The following SYCP1 variants were observed in gnomAD, a reference collection of about 807,000 sequenced individuals.
SYCP1 encodes synaptonemal complex protein 1.
SYCP1 carries 64 observed loss-of-function variants against 153.1 expected under a neutral mutation model. The observed-to-expected ratio is 0.42, with a 90% CI of 0.34 to 0.51. The LOEUF (loss-of-function observed/expected upper bound fraction) is 0.51. SYCP1 is among the 20% of genes least tolerant of loss of function. The probability of loss-of-function intolerance (pLI) is 0.06; values close to 1 mark genes in which losing one functional copy is unlikely to be tolerated. For synonymous variants in SYCP1, 384 were observed against 341.8 expected (o/e 1.12, Z -1.36); for missense variants, 997 against 1,049.0 (o/e 0.95, Z 0.68).
At chr1:114,919,284 A>C (rs1456517046) in intron 20 of SYCP1, among the ~76,000 whole-genome samples, 1 of 152,000 alleles carries the variant, frequency 6.6e-6, no homozygotes, top group Non-Finnish European at 1.5e-5. Flanking sequence ...GTCCTATAGC[A>C]TGTTGATATA....
chr1:114,983,594 G>T (rs907407867), intron 29 of SYCP1, among the ~76,000 whole-genome samples: 1 of 151,990 alleles, frequency 6.6e-6, no homozygotes, highest in African/African-American at 2.4e-5. Flanking sequence ...TCTGGTGGTT[G>T]CCAGGCTGCC....
At chr1:114,874,184 T>C (rs549350949) in intron 8 of SYCP1, among the ~76,000 whole-genome samples, 2 of 152,356 alleles carry the variant, frequency 1.3e-5, no homozygotes, top group South Asian at 4.1e-4. Flanking sequence ...TGTGTTTGCC[T>C]GTCTCTCCAA....
intron 27 of SYCP1, among the ~76,000 whole-genome samples, chr1:114,953,538 G>T (rs1198828142): frequency 6.6e-6 from 1 of 152,144 alleles, no homozygotes; most frequent in Admixed American, 6.5e-5. Context: ...AGATTGCTCT[G>T]TCACCAGCTG....
rs566171510 is a variant in SYCP1, at chr1:114,888,932, C to A, written c.1258+1239C>A. Among the ~76,000 whole-genome samples the A allele has an allele frequency of 1.7e-4, 26 of 151,720 alleles. No individual in the cohort carries two copies. In the South Asian group the frequency reaches 5.4e-3, roughly 32 times the overall value. On this transcript the variant is annotated intron_variant, in intron 15 of 31. Transcript: ENST00000369522. ...ATGTGTTCTCATTGTTCAACTCCCACTTATGAGTGAGAACATATGGTGTTT... is the reference window on the plus strand; with the variant it reads ...ATGTGTTCTCATTGTTCAACTCCCAATTATGAGTGAGAACATATGGTGTTT...
In SYCP1 at chr1:114,981,493, T is replaced by C; in HGVS notation, c.2540T>C (p.Leu847Ser). The C allele has an allele frequency of 6.3e-7, 1 of 1,590,504 alleles. No homozygotes were observed. Among genetic ancestry groups the C allele is most frequent in the Non-Finnish European group, 8.5e-7 (1 of 1,173,672 alleles). The change falls in exon 29 of 32, where the codon TTA (leucine) becomes TCA (serine). Residue 847 changes from leucine to serine, a missense_variant. By Grantham distance (145) the Leu-to-Ser change is moderately radical (BLOSUM62 -2). Transcript: ENST00000369522. Reference protein sequence around the residue: ...DYLWTSAKNTLSTPLPKAYTV... With the variant: ...DYLWTSAKNTSSTPLPKAYTV... ...CTGTGGACATCTGCCAAAAATACTTTATCTACACCATTGCCAAAGGTTTGT... is the reference window on the plus strand; with the variant it reads ...CTGTGGACATCTGCCAAAAATACTTCATCTACACCATTGCCAAAGGTTTGT...
intron 18 of SYCP1, 53 bp downstream of exon 18, chr1:114,911,635 C>T: frequency 2.3e-6 from 2 of 855,830 alleles, no homozygotes; most frequent in South Asian, 7.1e-5. Flanking sequence ...CCTAAGCTTT[C>T]TGATAATAAA....
chr1:114,934,349 A>G (rs1278129413), intron 23 of SYCP1, among the ~76,000 whole-genome samples: 1 of 152,298 alleles, frequency 6.6e-6, no homozygotes, highest in African/African-American at 2.4e-5. Context: ...CTTTACAGAC[A>G]AGCAAATGCT....
intron 7 of SYCP1, 145 bp from the exon 8 acceptor site, chr1:114,860,591 C>T (rs182700473): frequency 3.0e-4 from 157 of 527,660 alleles, no homozygotes; most frequent in Admixed American, 1.8e-3. Flanking sequence ...TTCATATAGT[C>T]ATTTATGAAT....
intron 27 of SYCP1, among the ~76,000 whole-genome samples, chr1:114,958,732 A>G (rs529921336): frequency 7.0e-4 from 103 of 147,350 alleles, no homozygotes; most frequent in African/African-American, 2.4e-3. Context: ...CATCCTGGCT[A>G]ACACGGTGAA....
chr1:114,916,884 G>C (rs1453627187), intron 20 of SYCP1, among the ~76,000 whole-genome samples: 1 of 151,602 alleles, frequency 6.6e-6, no homozygotes, highest in Non-Finnish European at 1.5e-5. Context: ...GTGCATAGTA[G>C]GTATATATAA....
At position 114,973,236 on chromosome 1, in the gene SYCP1, G is replaced by A. The variant is rs1396618830; in HGVS notation, c.2323-4321G>A. ...TTTTGTGCTTTGTATTCTTTTAGAGGAATCTTCTGTTTAAGAAGTTTATCT... is the reference window on the plus strand; with the variant it reads ...TTTTGTGCTTTGTATTCTTTTAGAGAAATCTTCTGTTTAAGAAGTTTATCT... On this transcript the variant is annotated intron_variant, in intron 27 of 31. Coordinates refer to ENST00000369522, the MANE Select transcript of SYCP1 (RefSeq NM_003176.4). Among the ~76,000 whole-genome samples, 7 of 152,120 alleles carry A rather than the reference G, an allele frequency of 4.6e-5. No individual in the cohort carries two copies. The South Asian group carries it at 1.5e-3, about 32-fold the overall frequency.
chr1:114,956,499 C>T (rs572166559), intron 27 of SYCP1, among the ~76,000 whole-genome samples: 2 of 152,186 alleles, frequency 1.3e-5, no homozygotes, highest in Admixed American at 1.3e-4. Flanking sequence ...TTAGGCTCTT[C>T]AGCCTCCAAC....
At chr1:114,911,351 C>T (rs574297352) in intron 17 of SYCP1, 128 bp from the exon 18 acceptor site, 12 of 478,420 alleles carry the variant, frequency 2.5e-5, no homozygotes, top group Non-Finnish European at 4.1e-5. Flanking sequence ...TAAATTTACT[C>T]GTTTAAAATA....
Position 114,988,900 on chromosome 1 carries a change from G to A in SYCP1, c.2703+4032G>A, listed in dbSNP as rs12064080. ...TTTGTGACATCAATAACAGAAAATG[G>A]GCTGGGCACAGTGGCTCACACCTGT... On this transcript the variant is annotated intron_variant, in intron 30 of 31. Transcript: ENST00000369522. Among the ~76,000 whole-genome samples, 1,312 of 151,956 alleles carry A rather than the reference G, an allele frequency of 8.6e-3. 23 individuals carry two copies. Among genetic ancestry groups the A allele is most frequent in the African/African-American group, 0.03 (1,248 of 41,480 alleles).
upstream of SYCP1, among the ~76,000 whole-genome samples, chr1:114,854,161 T>A (rs1456340059): frequency 6.6e-6 from 1 of 151,868 alleles, no homozygotes; most frequent in Non-Finnish European, 1.5e-5. Context: ...TCTCTCTCTT[T>A]GAGACAGAAT....
chr1:114,945,015 T>A, intron 25 of SYCP1, 33 bp downstream of exon 25: 1 of 1,391,402 alleles, frequency 7.2e-7, no homozygotes, highest in Non-Finnish European at 9.8e-7. Flanking sequence ...ATGAAAATTA[T>A]TAATTGGAGC....
At chr1:114,909,762 G>A (rs1668061033) in intron 16 of SYCP1, among the ~76,000 whole-genome samples, 1 of 152,076 alleles carries the variant, frequency 6.6e-6, no homozygotes, top group Non-Finnish European at 1.5e-5. Flanking sequence ...TCATCTGAAA[G>A]CATGAAACCA....
chr1:114,973,318 G>C (rs140696876), intron 27 of SYCP1, among the ~76,000 whole-genome samples: 1 of 151,932 alleles, frequency 6.6e-6, no homozygotes, highest in Non-Finnish European at 1.5e-5. Context: ...ATTCTTTATG[G>C]TTGTGGTTGT....
intron 12 of SYCP1, among the ~76,000 whole-genome samples, chr1:114,879,858 G>A (rs1486044829): frequency 6.6e-6 from 1 of 152,072 alleles, no homozygotes; most frequent in Non-Finnish European, 1.5e-5. Context: ...TGGCTGTGAT[G>A]TGTCTAATTT....
Sources: allele counts gnomAD v4.1 joint callset (sites outside exome capture counted in the v4.1 genomes callset), GRCh38; gene constraint gnomAD v4.1.1; transcripts MANE v1.5; gene names NCBI Gene and HGNC (gene_info 2026-07-23, HGNC 2026-07-21).